The following RPS6KB1 variants were observed in gnomAD, a reference collection of about 807,000 sequenced individuals.
RPS6KB1 encodes ribosomal protein S6 kinase beta-1.
In RPS6KB1, 12 loss-of-function variants were observed where a neutral mutation model predicts 70.2. That is an observed-to-expected ratio of 0.17 (90% CI 0.11 to 0.28). RPS6KB1 has a LOEUF of 0.28. Among genes scored for constraint, RPS6KB1 ranks in the 10% least tolerant of loss-of-function variants. RPS6KB1 has a pLI of 1.00. For missense variants in RPS6KB1, 270 were observed against 646.6 expected, an observed-to-expected ratio of 0.42 and a Z score of 6.32; for synonymous variants, 175 against 211.2, an observed-to-expected ratio of 0.83 and a Z score of 1.49.
At chr17:59,915,578 G>T (rs999814628) in intron 4 of RPS6KB1, among the ~76,000 whole-genome samples, 7 of 151,524 alleles carry the variant, frequency 4.6e-5, no homozygotes, top group African/African-American at 7.3e-5. Context: ...TGATTCTCCT[G>T]CCCTAGCCTC....
chr17:59,941,995 A>G (rs2044630387), intron 13 of RPS6KB1, among the ~76,000 whole-genome samples: 1 of 151,814 alleles, frequency 6.6e-6, no homozygotes, highest in Non-Finnish European at 1.5e-5. Flanking sequence ...AGTAGCTGGG[A>G]CTACAGGTGC....
chr17:59,911,754 A>G (rs2042657162), intron 2 of RPS6KB1, among the ~76,000 whole-genome samples: 1 of 151,730 alleles, frequency 6.6e-6, no homozygotes, highest in Admixed American at 6.6e-5. Context: ...CATGTTGGCT[A>G]GGCTGGAATT....
At chr17:59,908,062 A>C (rs2042372918) in intron 1 of RPS6KB1, among the ~76,000 whole-genome samples, 1 of 152,126 alleles carries the variant, frequency 6.6e-6, no homozygotes, top group Non-Finnish European at 1.5e-5. Flanking sequence ...AGTTGTGGGT[A>C]CCTTAGGCTT....
intron 5 of RPS6KB1, among the ~76,000 whole-genome samples, chr17:59,928,951 T>C (rs2043779589): frequency 6.6e-6 from 1 of 152,192 alleles, no homozygotes; most frequent in Non-Finnish European, 1.5e-5. Context: ...GATCAAGAGG[T>C]ACATGATATT....
chr17:59,923,710 A>G (rs1441475655), intron 4 of RPS6KB1, among the ~76,000 whole-genome samples: 2 of 151,506 alleles, frequency 1.3e-5, no homozygotes, highest in South Asian at 4.2e-4. Flanking sequence ...GGGTTTCATC[A>G]TCTTGGCCAG....
chr17:59,904,068 G>GTATTTATTTATTTATT (rs34220591), intron 1 of RPS6KB1, among the ~76,000 whole-genome samples: 96 of 149,408 alleles, frequency 6.4e-4, no homozygotes, highest in African/African-American at 1.8e-3. Context: ...TTGAGTTGGA[G>GTATTTATTTATTTATT]TATTTATTTA....
intron 1 of RPS6KB1, 34 bp from the exon 2 acceptor site, chr17:59,910,528 A>T (rs538315297): frequency 5.1e-6 from 7 of 1,367,880 alleles, no homozygotes; most frequent in Non-Finnish European, 7.2e-6. Context: ...TATGTTTATT[A>T]GATTATTTCT....
intron 2 of RPS6KB1, 33 bp from the exon 3 acceptor site, chr17:59,912,651 C>G: frequency 6.3e-7 from 1 of 1,599,622 alleles, no homozygotes; most frequent in Non-Finnish European, 8.5e-7. Context: ...TAACTTTTTG[C>G]AAATTTATTT....
intron 1 of RPS6KB1, among the ~76,000 whole-genome samples, chr17:59,898,994 G>A (rs570301008): frequency 8.4e-4 from 128 of 151,624 alleles, no homozygotes; most frequent in Non-Finnish European, 1.7e-3. Context: ...CCTGAGGTCA[G>A]GGGTTCGAGA....
At chr17:59,918,570 A>T (rs1480472602) in intron 4 of RPS6KB1, among the ~76,000 whole-genome samples, 1 of 151,780 alleles carries the variant, frequency 6.6e-6, no homozygotes, top group Non-Finnish European at 1.5e-5. Context: ...GGGTTTCATC[A>T]TGTTGGCCAG....
intron 12 of RPS6KB1, among the ~76,000 whole-genome samples, chr17:59,938,389 T>A (rs1777632640): frequency 6.7e-6 from 1 of 149,498 alleles, no homozygotes; most frequent in Non-Finnish European, 1.5e-5. Context: ...TTTTTGTTGT[T>A]GTTGTTTTTC....
At chr17:59,902,100 CTTTTTT>C (rs35721755) in intron 1 of RPS6KB1, among the ~76,000 whole-genome samples, 1 of 81,608 alleles carries the variant, frequency 1.2e-5, no homozygotes, top group Admixed American at 1.7e-4. Flanking sequence ...GTGGCTTTCA[CTTTTTT>C]TTTTTTTTTT....
intron 4 of RPS6KB1, among the ~76,000 whole-genome samples, chr17:59,924,295 C>T (rs1453228690): frequency 6.6e-6 from 1 of 151,906 alleles, no homozygotes; most frequent in Non-Finnish European, 1.5e-5. Context: ...TGCCACTGCA[C>T]TCCAGCCTGG....
intron 13 of RPS6KB1, among the ~76,000 whole-genome samples, chr17:59,942,148 A>G (rs192742538): frequency 0.011 from 1,706 of 151,792 alleles, 12 homozygotes; most frequent in Non-Finnish European, 0.014. Context: ...GTAAGCCACC[A>G]CGCCCAGTCG....
Position 59,948,302 on chromosome 17 carries a change from G to T in RPS6KB1, c.*1514G>T, listed in dbSNP as rs756584823. On this transcript the variant is annotated 3_prime_UTR_variant, in exon 15 of 15. Coordinates refer to ENST00000225577, the MANE Select transcript of RPS6KB1 (RefSeq NM_003161.4). ...TACTGGTATAATAGATGATCATGCA[G>T]TTGCAGTTGAGTTGTATCACCTTTT... 1 of 152,622 alleles carries T rather than the reference G, an allele frequency of 6.6e-6. No homozygotes were observed. The highest frequency in any genetic ancestry group is 1.5e-5 in the Non-Finnish European group (1 of 68,038). The allele number at this position is 152,622 out of a possible 1,614,324, so 9.5% of individuals were successfully genotyped here.
At chr17:59,926,295 C>T (rs2043603248) in intron 4 of RPS6KB1, 140 bp from the exon 5 acceptor site, 6 of 650,944 alleles carry the variant, frequency 9.2e-6, no homozygotes, top group African/African-American at 3.7e-5. Context: ...TTTCCATTAC[C>T]CCATCTCAGT....
rs869262754 is a variant in RPS6KB1, at chr17:59,924,839, AT to A, written c.382-1589del. 2.2e-4 allele frequency among the ~76,000 whole-genome samples: 33 copies of A among 149,498 alleles called. 1 individual carries two copies. The East Asian group carries it at 5.9e-3, about 27-fold the overall frequency. ...TATTTATTTATTTATTTATTTATTTATTTTTTTGAGACGGAGTCTCACTTTG... is the reference window on the plus strand; with the variant it reads ...TATTTATTTATTTATTTATTTATTTATTTTTTGAGACGGAGTCTCACTTTG... On this transcript the variant is annotated intron_variant, in intron 4 of 14. Coordinates refer to ENST00000225577, the MANE Select transcript of RPS6KB1 (RefSeq NM_003161.4).
At chr17:59,903,600 T>C (rs2042090604) in intron 1 of RPS6KB1, among the ~76,000 whole-genome samples, 1 of 152,132 alleles carries the variant, frequency 6.6e-6, no homozygotes, top group Admixed American at 6.6e-5. Context: ...CAGTAGTAAG[T>C]CTATGTTTAA....
intron 7 of RPS6KB1, among the ~76,000 whole-genome samples, chr17:59,933,732 C>G (rs981825182): frequency 1.3e-5 from 2 of 152,210 alleles, no homozygotes; most frequent in Non-Finnish European, 2.9e-5. Context: ...GGACTCTTCA[C>G]AGTTCACTGT....
Sources: gnomAD v4.1 joint callset for allele counts (sites outside exome capture counted in the v4.1 genomes callset) on GRCh38, gnomAD v4.1.1 for gene constraint, MANE v1.5 for transcripts, NCBI Gene and HGNC (gene_info 2026-07-23, HGNC 2026-07-21) for gene names.